The following RANBP2 variants were observed in gnomAD, a reference collection of about 807,000 sequenced individuals.
The protein encoded by RANBP2 is RAN binding protein 2, also known as E3 SUMO-protein ligase RanBP2.
A neutral mutation model predicts 303.6 loss-of-function variants in RANBP2; 57 were observed. That is an observed-to-expected ratio of 0.19 (90% CI 0.15 to 0.23). RANBP2 has a LOEUF of 0.23. Ranked by LOEUF, RANBP2 falls within the 10% of genes least tolerant of loss-of-function variation. The pLI, the probability that RANBP2 is intolerant of heterozygous loss-of-function variation, is 1.00. For missense variants in RANBP2, 3,138 were observed against 3,780.8 expected (o/e 0.83, Z 4.46); for synonymous variants, 1,167 against 1,301.5 (o/e 0.90, Z 2.23).
At chr2:109,352,826 A>G in the RANBP2 span, among the ~76,000 whole-genome samples, 4 of 152,222 alleles carry the variant, frequency 2.6e-5, no homozygotes, top group African/African-American at 7.2e-5. Context: ...CTTAGCCACT[A>G]CAGACCACCC....
chr2:109,062,359 A>G, the RANBP2 span, among the ~76,000 whole-genome samples: 1 of 152,148 alleles, frequency 6.6e-6, no homozygotes. Context: ...GCTGGAATGG[A>G]TGTGTCTGAG....
chr2:109,455,662 A>T, the RANBP2 span, among the ~76,000 whole-genome samples: 3 of 152,204 alleles, frequency 2.0e-5, no homozygotes, highest in Non-Finnish European at 4.4e-5. Flanking sequence ...TAAAGTGAAG[A>T]ATCGCTGGCT....
chr2:109,377,492 C>T, the RANBP2 span, among the ~76,000 whole-genome samples: 1 of 152,174 alleles, frequency 6.6e-6, no homozygotes, highest in Non-Finnish European at 1.5e-5. Context: ...TGACGCCAGA[C>T]CCAAGCCTCT....
the RANBP2 span, among the ~76,000 whole-genome samples, chr2:109,474,183 G>C: frequency 6.6e-6 from 1 of 152,192 alleles, no homozygotes; most frequent in African/African-American, 2.4e-5. Flanking sequence ...GCACACACCT[G>C]TGTGTGGGCA....
chr2:109,389,593 G>A, the RANBP2 span, among the ~76,000 whole-genome samples: 3 of 152,026 alleles, frequency 2.0e-5, no homozygotes, highest in Non-Finnish European at 4.4e-5. Context: ...TCCAAGGTAG[G>A]GTGCATGCCA....
the RANBP2 span, chr2:109,544,968 A>T: frequency 5.3e-5 from 52 of 985,334 alleles, 1 homozygote; most frequent in East Asian, 4.5e-3. Context: ...TAAAATATAT[A>T]AGCCAATAAA....
the RANBP2 span, among the ~76,000 whole-genome samples, chr2:109,366,360 T>A: frequency 6.6e-6 from 1 of 152,176 alleles, no homozygotes; most frequent in African/African-American, 2.4e-5. Flanking sequence ...GTGAGGAAGA[T>A]CTATATGTAC....
At chr2:108,750,801 C>T (rs1267757326) in intron 9 of RANBP2, among the ~76,000 whole-genome samples, 5 of 152,182 alleles carry the variant, frequency 3.3e-5, no homozygotes, top group Non-Finnish European at 5.9e-5. Flanking sequence ...GCTGGCCAGG[C>T]TGGTCTCGAA....
the RANBP2 span, among the ~76,000 whole-genome samples, chr2:109,333,000 GGGTC>G: frequency 6.6e-6 from 1 of 152,240 alleles, no homozygotes; most frequent in Admixed American, 6.5e-5. Flanking sequence ...CTAGCCTGCT[GGGTC>G]ATGTATTCGT....
rs368484651 is a variant in RANBP2, at chr2:108,771,825, C to T, written c.7974C>T (p.Phe2658=). ...ATKLKLPPTF[F]CYKNRPDYVS... is the part of the protein sequence containing the mutation. ...AACTTAAACTTCCTCCAACTTTCTTCTGCTACAAGAATAGACCAGATTATG... is the reference window on the plus strand; with the variant it reads ...AACTTAAACTTCCTCCAACTTTCTTTTGCTACAAGAATAGACCAGATTATG... The change falls in exon 21 of 29, where the codon TTC becomes TTT. Residue 2658 remains phenylalanine (F), a synonymous_variant. Coordinates refer to ENST00000283195, the MANE Select transcript of RANBP2 (RefSeq NM_006267.5). 1.9e-6 allele frequency: 3 copies of T among 1,613,890 alleles called. No homozygotes were observed. The highest frequency in any genetic ancestry group is 1.3e-5 in the African/African-American group (1 of 74,912).
the RANBP2 span, among the ~76,000 whole-genome samples, chr2:109,079,592 C>T: frequency 6.6e-6 from 1 of 152,316 alleles, no homozygotes; most frequent in Non-Finnish European, 1.5e-5. Context: ...CCAGGGTGAG[C>T]CATCAGATGG....
chr2:109,546,014 G>A, the RANBP2 span: 1 of 1,536,174 alleles, frequency 6.5e-7, no homozygotes, highest in Non-Finnish European at 8.7e-7. Flanking sequence ...GACAAGTGTG[G>A]GCAGGGCTGC....
chr2:109,241,001 C>A, the RANBP2 span, among the ~76,000 whole-genome samples: 1 of 152,140 alleles, frequency 6.6e-6, no homozygotes, highest in Non-Finnish European at 1.5e-5. Flanking sequence ...AACTCCATGC[C>A]TCCCTTTTGG....
the RANBP2 span, among the ~76,000 whole-genome samples, chr2:109,530,236 G>A: frequency 1.3e-5 from 2 of 152,178 alleles, no homozygotes; most frequent in Admixed American, 6.5e-5. Flanking sequence ...CCAGGGAGGC[G>A]AGCTGAGCCA....
chr2:108,791,196 T>C, the RANBP2 span, among the ~76,000 whole-genome samples: 1 of 152,220 alleles, frequency 6.6e-6, no homozygotes, highest in Non-Finnish European at 1.5e-5. Context: ...TGACTTGTGT[T>C]ATATTGCTTT....
chr2:109,639,886 A>C, the RANBP2 span, among the ~76,000 whole-genome samples: 1 of 151,034 alleles, frequency 6.6e-6, no homozygotes, highest in South Asian at 2.1e-4. Flanking sequence ...AATTTTTGTA[A>C]TTTTAGTAGA....
chr2:109,744,708 AAAC>A, the RANBP2 span, among the ~76,000 whole-genome samples: 4 of 69,004 alleles, frequency 5.8e-5, no homozygotes, highest in Non-Finnish European at 1.2e-4. Context: ...CTGGAAATTA[AAAC>A]AACAATTACA....
At chr2:109,292,289 G>GA in the RANBP2 span, among the ~76,000 whole-genome samples, 3 of 152,158 alleles carry the variant, frequency 2.0e-5, no homozygotes, top group Non-Finnish European at 4.4e-5. Context: ...GCCCTTTTCA[G>GA]AATCCAGAGA....
At chr2:109,513,793 G>A in the RANBP2 span, among the ~76,000 whole-genome samples, 1 of 152,218 alleles carries the variant, frequency 6.6e-6, no homozygotes, top group African/African-American at 2.4e-5. Flanking sequence ...TACAGAGGAT[G>A]TGGCCAGGGG....
Sources: allele counts gnomAD v4.1 joint callset (sites outside exome capture counted in the v4.1 genomes callset), GRCh38; gene constraint gnomAD v4.1.1; transcripts MANE v1.5; gene names NCBI Gene and HGNC (gene_info 2026-07-23, HGNC 2026-07-21).